The following PEX13 variants were observed in gnomAD, a reference collection of about 807,000 sequenced individuals.
PEX13 encodes peroxisomal biogenesis factor 13, also known as peroxisome biogenesis factor 13.
In PEX13, 28 loss-of-function variants were observed where a neutral mutation model predicts 34.5. That is an observed-to-expected ratio of 0.81 (90% CI 0.60 to 1.11). PEX13 has a LOEUF of 1.11. Ranked by LOEUF, PEX13 falls within the 50% of genes most tolerant of loss-of-function variation. The pLI, the probability that PEX13 is intolerant of heterozygous loss-of-function variation, is 0.00. For synonymous variants in PEX13, 177 were observed against 175.1 expected, an observed-to-expected ratio of 1.01 and a Z score of -0.09; for missense variants, 550 against 491.0, an observed-to-expected ratio of 1.12 and a Z score of -1.13.
chr2:61,018,139 C>T (rs1289168054), intron 1 of PEX13: 3 of 1,549,760 alleles, frequency 1.9e-6, no homozygotes, highest in African/African-American at 2.7e-5. Flanking sequence ...TCCTACCTAC[C>T]GCTTCTGTTT....
intron 1 of PEX13, 71 bp downstream of exon 1, chr2:61,017,922 CGGTTGTTAGT>C: frequency 6.8e-7 from 1 of 1,465,032 alleles, no homozygotes; most frequent in South Asian, 1.2e-5. Flanking sequence ...GCGGTTGTAG[CGGTTGTTAGT>C]GGAGGTATTC....
rs928109342 is a variant in PEX13 at position 61,048,953 on chromosome 2, A to G, written c.*183A>G. 2 of 601,068 alleles carry G rather than the reference A, an allele frequency of 3.3e-6. No individual in the cohort carries two copies. The highest frequency in any genetic ancestry group is 5.9e-6 in the Non-Finnish European group (2 of 340,710). The allele number at this position is 601,068 out of a possible 1,614,324, so 37.2% of individuals were successfully genotyped here. A position where few individuals can be genotyped will look rare whatever the true frequency, so the allele number is the denominator to read the frequency against. The stretch of plus-strand genomic sequence containing the variant: ...TGGTCTGGTGACCTGGTTACATTTT[A>G]TTATACACATTATTGGACCATAAGG... On this transcript the variant is annotated 3_prime_UTR_variant, in exon 4 of 4. Transcript: ENST00000295030.
chr2:61,043,783 C>T (rs1349341366), intron 2 of PEX13, among the ~76,000 whole-genome samples: 1 of 152,178 alleles, frequency 6.6e-6, no homozygotes, highest in Non-Finnish European at 1.5e-5. Context: ...AAGATCCCGA[C>T]TTGCCCTACC....
intron 2 of PEX13, among the ~76,000 whole-genome samples, chr2:61,033,264 T>C (rs1050346126): frequency 2.0e-5 from 3 of 152,192 alleles, no homozygotes. Flanking sequence ...ATGATACTTT[T>C]GCATTAGACT....
chr2:61,041,175 A>T (rs1247792018), intron 2 of PEX13, among the ~76,000 whole-genome samples: 1 of 152,128 alleles, frequency 6.6e-6, no homozygotes, highest in East Asian at 1.9e-4. Context: ...CAACAGTTAC[A>T]AAAAGTATCC....
rs942439090 is a variant in PEX13, at chr2:61,040,929, A to G, written c.788-4797A>G. Among the ~76,000 whole-genome samples, 6 of 151,832 alleles carry G rather than the reference A, an allele frequency of 4.0e-5. No individual in the cohort carries two copies. In the South Asian group the frequency reaches 1.2e-3, roughly 32 times the overall value. ...AATGGTTTTTAGGTAGAGCTAGGGCAGAAGAGACCAATCAGGAGAGTCAAG... is the reference window on the plus strand; with the variant it reads ...AATGGTTTTTAGGTAGAGCTAGGGCGGAAGAGACCAATCAGGAGAGTCAAG... On this transcript the variant is annotated intron_variant, in intron 2 of 3. Transcript: ENST00000295030.
rs1393997724 is a variant in PEX13 at position 61,051,503 on chromosome 2, G to A, written c.*2733G>A. The A allele has an allele frequency of 2.0e-5, 3 of 152,236 alleles. No individual in the cohort carries two copies. Among genetic ancestry groups the A allele is most frequent in the Non-Finnish European group, 4.4e-5 (3 of 67,986 alleles). The allele number at this position is 152,236 out of a possible 1,614,324, so 9.4% of individuals were successfully genotyped here. The stretch of plus-strand genomic sequence containing the variant: ...GGTGACTATTTGTGCCTGAAAATTC[G>A]TTTTGTATTAAAATTCTGGAGAAGG... On this transcript the variant is annotated 3_prime_UTR_variant, in exon 4 of 4. Coordinates refer to ENST00000295030, the MANE Select transcript of PEX13 (RefSeq NM_002618.4).
rs1478139791 is a variant in PEX13, at chr2:61,050,689, GGC to G, written c.*1920_*1921del. ...GGCTGGAGTCCAGTGGCGCGATCTCGGCTCACTGCAAGCTCCGCCTCCCGGGT... is the reference window on the plus strand; with the variant it reads ...GGCTGGAGTCCAGTGGCGCGATCTCGTCACTGCAAGCTCCGCCTCCCGGGT... On this transcript the variant is annotated 3_prime_UTR_variant, in exon 4 of 4. Transcript: ENST00000295030. 1 of 151,978 alleles carries G rather than the reference GGC, an allele frequency of 6.6e-6. No individual in the cohort carries two copies. The highest frequency in any genetic ancestry group is 2.4e-5 in the African/African-American group (1 of 41,382). The allele number at this position is 151,978 out of a possible 1,614,324, so 9.4% of individuals were successfully genotyped here. A position where few individuals can be genotyped will look rare whatever the true frequency, so the allele number is the denominator to read the frequency against.
At chr2:61,017,931 G>T in intron 1 of PEX13, 80 bp downstream of exon 1, 2 of 1,432,900 alleles carry the variant, frequency 1.4e-6, no homozygotes, top group South Asian at 2.5e-5. Context: ...GCGGTTGTTA[G>T]TGGAGGTATT....
chr2:61,045,033 T>G (rs926768246), intron 2 of PEX13, among the ~76,000 whole-genome samples: 12 of 152,330 alleles, frequency 7.9e-5, no homozygotes, highest in African/African-American at 2.9e-4. Flanking sequence ...TAATCTGCAA[T>G]GTAATAACAT....
chr2:61,025,662 C>G (rs1680342250), intron 1 of PEX13, among the ~76,000 whole-genome samples: 1 of 151,868 alleles, frequency 6.6e-6, no homozygotes, highest in Non-Finnish European at 1.5e-5. Context: ...CCCAGCCAAG[C>G]CCGTTTATTT....
At chr2:61,023,402 GACACACACAC>G (rs70959888) in intron 1 of PEX13, among the ~76,000 whole-genome samples, 53 of 146,780 alleles carry the variant, frequency 3.6e-4, no homozygotes, top group African/African-American at 8.3e-4. Flanking sequence ...GGAATATACA[GACACACACAC>G]ACACACACAC....
At chr2:61,038,632 A>G (rs1464037404) in intron 2 of PEX13, among the ~76,000 whole-genome samples, 5 of 152,234 alleles carry the variant, frequency 3.3e-5, no homozygotes, top group Admixed American at 6.5e-5. Context: ...ATTTATGACA[A>G]ATCCACACCT....
At chr2:61,038,402 C>A (rs7585766) in intron 2 of PEX13, among the ~76,000 whole-genome samples, 9,536 of 152,256 alleles carry the variant, frequency 0.063, 1,040 homozygotes, top group African/African-American at 0.22. Flanking sequence ...AAAAGCTTAT[C>A]CACCATGATC....
At chr2:61,047,106 A>G (rs1483680338) in intron 3 of PEX13, among the ~76,000 whole-genome samples, 1 of 148,226 alleles carries the variant, frequency 6.7e-6, no homozygotes. Flanking sequence ...TTGTCTCAAG[A>G]AAAAAAAAAC....
chr2:61,047,376 G>A (rs1016113169), intron 3 of PEX13, among the ~76,000 whole-genome samples: 2 of 152,046 alleles, frequency 1.3e-5, no homozygotes, highest in African/African-American at 2.4e-5. Flanking sequence ...GGCTGGTCTC[G>A]AACTCCTGAC....
Position 61,045,719 on chromosome 2 carries a change from C to T in PEX13, c.788-7C>T, listed in dbSNP as rs1409548005. 2.5e-6 allele frequency: 4 copies of T among 1,611,886 alleles called. No homozygotes were observed. The African/African-American group carries it at 4.0e-5, about 16-fold the overall frequency. On this transcript the variant is annotated splice_region_variant and splice_polypyrimidine_tract_variant and intron_variant, in intron 2 of 3. Coordinates refer to ENST00000295030, the MANE Select transcript of PEX13 (RefSeq NM_002618.4). ...TTTTATTAACCTAATTTTAATTTGG[C>T]TTATAGACAGCATCAACTGGGCAAG...
At chr2:61,030,219 T>A (rs1356266831) in intron 1 of PEX13, among the ~76,000 whole-genome samples, 1 of 152,220 alleles carries the variant, frequency 6.6e-6, no homozygotes, top group Non-Finnish European at 1.5e-5. Context: ...TTGTGGATTC[T>A]GTATTTTCAA....
chr2:61,041,760 T>C (rs1450677686), intron 2 of PEX13, among the ~76,000 whole-genome samples: 2 of 152,174 alleles, frequency 1.3e-5, no homozygotes, highest in South Asian at 2.1e-4. Flanking sequence ...TGAGGAGATC[T>C]GAGAATGTTT....
Sources: gnomAD v4.1 joint callset for allele counts (sites outside exome capture counted in the v4.1 genomes callset) on GRCh38, gnomAD v4.1.1 for gene constraint, MANE v1.5 for transcripts, NCBI Gene and HGNC (gene_info 2026-07-23, HGNC 2026-07-21) for gene names.